CLK1: variants seen among roughly 807,000 people sequenced by gnomAD.
CLK1 encodes the protein CDC like kinase 1, also known as dual specificity protein kinase CLK1.
A neutral mutation model predicts 60.9 loss-of-function variants in CLK1; 40 were observed. The observed-to-expected ratio is 0.66, with a 90% confidence interval of 0.51 to 0.86. CLK1 has a LOEUF of 0.86. Ranked by LOEUF, CLK1 falls within the 40% of genes least tolerant of loss-of-function variation. CLK1 has a pLI of 0.00. For synonymous variants in CLK1, 203 were observed against 184.4 expected, an observed-to-expected ratio of 1.10 and a Z score of -0.82; for missense variants, 563 against 606.1, an observed-to-expected ratio of 0.93 and a Z score of 0.75.
intron 3 of CLK1, chr2:200,860,843 A>C (rs1264130800): frequency 1.9e-6 from 2 of 1,049,144 alleles, no homozygotes; most frequent in Non-Finnish European, 2.3e-6. Context: ...TAGAACAAAG[A>C]AGCATACCTA....
At position 200,858,797 on chromosome 2, in the gene CLK1, G is replaced by A. The variant is rs555219481; in HGVS notation, c.549-708C>T. On this transcript the variant is annotated intron_variant, in intron 5 of 12. Coordinates refer to ENST00000321356, the MANE Select transcript of CLK1 (RefSeq NM_004071.4). ...AAAATGCTTTGCCATTCAGGAAGAG[G>A]AAGAACAATAACAACAACAACAACA... Among the ~76,000 whole-genome samples, 6 of 146,160 alleles carry A rather than the reference G, an allele frequency of 4.1e-5. No homozygotes were observed. In the South Asian group the frequency reaches 1.1e-3, roughly 26 times the overall value.
intron 11 of CLK1, 73 bp downstream of exon 11, chr2:200,854,543 A>T (rs1363111484): frequency 5.0e-6 from 5 of 1,008,128 alleles, no homozygotes; most frequent in Non-Finnish European, 7.7e-6. Flanking sequence ...CTCAAAAAAA[A>T]AAAAAAAATT....
At chr2:200,859,968 G>C (rs924565675) in intron 4 of CLK1, 157 bp downstream of exon 4, 12 of 1,422,634 alleles carry the variant, frequency 8.4e-6, no homozygotes, top group Middle Eastern at 2.2e-4. Flanking sequence ...CATTTCTAAA[G>C]AAAGCAAAAA....
At chr2:200,855,624 C>CG (rs879935281) in intron 9 of CLK1, among the ~76,000 whole-genome samples, 1 of 147,900 alleles carries the variant, frequency 6.8e-6, no homozygotes, top group Non-Finnish European at 1.5e-5. Context: ...GACTCCGCCC[C>CG]CCCCCCAAAA....
intron 7 of CLK1, chr2:200,857,460 T>C (rs2039062541): frequency 3.0e-6 from 1 of 331,282 alleles, no homozygotes. Flanking sequence ...TTACCCAGCA[T>C]TCGAAGTTAC....
At chr2:200,862,069 G>A (rs1362906168) in intron 1 of CLK1, among the ~76,000 whole-genome samples, 4 of 149,852 alleles carry the variant, frequency 2.7e-5, no homozygotes, top group Non-Finnish European at 4.4e-5. Context: ...CTCTGCATTA[G>A]CCATATCATG....
chr2:200,853,679 GAAA>G lies in CLK1; in HGVS notation c.1311+221_1311+223del, dbSNP rs34449560. The stretch of plus-strand genomic sequence containing the variant: ...AACATAGTAAAACTTGTCTTTACTT[GAAA>G]AAAAAAAAAAAAAAAAAAAAAAAGC... On this transcript the variant is annotated intron_variant, in intron 12 of 12. Coordinates refer to ENST00000321356, the MANE Select transcript of CLK1 (RefSeq NM_004071.4). Among the ~76,000 whole-genome samples, 110 of 49,116 alleles carry G rather than the reference GAAA, an allele frequency of 2.2e-3. No homozygotes were observed. In the Middle Eastern group the frequency reaches 0.051, roughly 23 times the overall value. The allele number at this position is 49,116 out of a possible 152,430, so 32.2% of individuals were successfully genotyped here.
intron 3 of CLK1, chr2:200,860,678 G>A: frequency 1.0e-6 from 1 of 995,546 alleles, no homozygotes; most frequent in Non-Finnish European, 1.2e-6. Flanking sequence ...AAATTAAAGT[G>A]CTAATTTTGG....
At position 200,853,175 on chromosome 2, in the gene CLK1, A is replaced by G. The variant is rs1199987715; in HGVS notation, c.*131T>C. Reference sequence around the variant, plus strand: ...AGCTATGTACTTAATGAACCAAATTACCCAAACAAAATAAACATGGCAATA... The same window carrying G: ...AGCTATGTACTTAATGAACCAAATTGCCCAAACAAAATAAACATGGCAATA... On this transcript the variant is annotated 3_prime_UTR_variant, in exon 13 of 13. Coordinates refer to ENST00000321356, the MANE Select transcript of CLK1 (RefSeq NM_004071.4). The G allele has an allele frequency of 2.4e-5, 16 of 654,368 alleles. No individual in the cohort carries two copies. The highest frequency in any genetic ancestry group is 3.7e-5 in the Non-Finnish European group (15 of 408,438). The allele number at this position is 654,368 out of a possible 1,614,324, so 40.5% of individuals were successfully genotyped here. A position where few individuals can be genotyped will look rare whatever the true frequency, so the allele number is the denominator to read the frequency against.
In CLK1 at chr2:200,861,699, T is replaced by G; in HGVS notation, c.161+3A>C. 6.2e-7 allele frequency: 1 copy of G among 1,613,882 alleles called. No individual in the cohort carries two copies. Among genetic ancestry groups the G allele is most frequent in the Non-Finnish European group, 8.5e-7 (1 of 1,179,906 alleles). On this transcript the variant is annotated splice_donor_region_variant and intron_variant, in intron 2 of 12. Transcript: ENST00000321356. ...ATTCAGACATTTTAAGTATCCTCCT[T>G]ACCTATCACACATTTTAGAGTGATT...
chr2:200,857,041 C>T, intron 7 of CLK1, 56 bp from the exon 8 acceptor site: 1 of 1,397,444 alleles, frequency 7.2e-7, no homozygotes, highest in Admixed American at 1.8e-5. Context: ...AACCAAATCA[C>T]AAAACCCCAC....
In CLK1 at chr2:200,857,248, G is replaced by A. The variant is rs1390018463; in HGVS notation, c.833-263C>T. 10 of 447,816 alleles carry A rather than the reference G, an allele frequency of 2.2e-5. 1 individual carries two copies. In the South Asian group the frequency reaches 2.4e-4, roughly 11 times the overall value. The allele number at this position is 447,816 out of a possible 1,614,324, so 27.7% of individuals were successfully genotyped here. A position where few individuals can be genotyped will look rare whatever the true frequency, so the allele number is the denominator to read the frequency against. ...TTGAACTGGGGAGGCAGAGTTTGCA[G>A]TGAGTGAAGACTGCGCCACTGCACT... On this transcript the variant is annotated intron_variant, in intron 7 of 12. Coordinates refer to ENST00000321356, the MANE Select transcript of CLK1 (RefSeq NM_004071.4).
chr2:200,857,968 C>T lies in CLK1; in HGVS notation c.665+5G>A. ...CCACTTCCCAAGTTCTAATCTGATACTTACAAAGTACTGTTGGGGTCTGTT... is the reference window on the plus strand; with the variant it reads ...CCACTTCCCAAGTTCTAATCTGATATTTACAAAGTACTGTTGGGGTCTGTT... On this transcript the variant is annotated splice_donor_5th_base_variant and intron_variant, in intron 6 of 12. Coordinates refer to ENST00000321356, the MANE Select transcript of CLK1 (RefSeq NM_004071.4). 6.2e-7 allele frequency: 1 copy of T among 1,612,840 alleles called. No individual in the cohort carries two copies. Among genetic ancestry groups the T allele is most frequent in the East Asian group, 2.2e-5 (1 of 44,860 alleles).
At chr2:200,858,842 T>TAAAAA (rs10652214) in intron 5 of CLK1, among the ~76,000 whole-genome samples, 108,962 of 146,794 alleles carry the variant, frequency 0.74, 40,563 homozygotes, top group African/African-American at 0.81. Context: ...AACAGGGAAC[T>TAAAAA]AAAAAAAAAG....
intron 2 of CLK1, 49 bp from the exon 3 acceptor site, chr2:200,861,515 C>T (rs2039138673): frequency 3.8e-6 from 6 of 1,597,590 alleles, no homozygotes; most frequent in Non-Finnish European, 5.1e-6. Context: ...GACCAAATAT[C>T]CTCACATTCT....
At chr2:200,858,128 A>C in intron 5 of CLK1, 39 bp from the exon 6 acceptor site, 2 of 1,245,808 alleles carry the variant, frequency 1.6e-6, no homozygotes, top group Non-Finnish European at 2.4e-6. Context: ...AATGACAGAC[A>C]TGATGCTCAA....
At chr2:200,863,407 A>C (rs544134125) in intron 1 of CLK1, among the ~76,000 whole-genome samples, 2 of 152,020 alleles carry the variant, frequency 1.3e-5, no homozygotes, top group East Asian at 1.9e-4. Flanking sequence ...AAAAATAAAA[A>C]ATTAACCAGG....
At position 200,864,648 on chromosome 2, in the gene CLK1, A is replaced by T. The variant is rs2039203644; in HGVS notation, c.-85T>A. ...CACGCAGCTGACTGCGTCGCGCACC[A>T]ACAACAAAATGGAGCTGACAGCTGC... On this transcript the variant is annotated 5_prime_UTR_variant, in exon 1 of 13. Transcript: ENST00000321356. 6.1e-6 allele frequency: 1 copy of T among 163,688 alleles called. No individual in the cohort carries two copies. The highest frequency in any genetic ancestry group is 2.4e-5 in the African/African-American group (1 of 41,868). 10.1% of individuals were successfully genotyped at this position (163,688 alleles called of 1,614,324 possible).
intron 12 of CLK1, 143 bp from the exon 13 acceptor site, chr2:200,853,592 GC>G: frequency 1.1e-5 from 8 of 702,368 alleles, no homozygotes; most frequent in Non-Finnish European, 1.7e-5. Context: ...TATAATCCCA[GC>G]ACTCTGGGAG....
Sources: allele counts gnomAD v4.1 joint callset (sites outside exome capture counted in the v4.1 genomes callset), GRCh38; gene constraint gnomAD v4.1.1; transcripts MANE v1.5; gene names NCBI Gene and HGNC (gene_info 2026-07-23, HGNC 2026-07-21).